The following ZHX2 variants were observed in gnomAD, a reference collection of about 807,000 sequenced individuals.
ZHX2 encodes zinc fingers and homeoboxes 2.
A neutral mutation model predicts 21.9 loss-of-function variants in ZHX2; 6 were observed. The observed-to-expected ratio is 0.27, with a 90% CI of 0.15 to 0.54. ZHX2 has a LOEUF of 0.54. Ranked by LOEUF, ZHX2 falls within the 20% of genes least tolerant of loss-of-function variation. The pLI is 0.95. For synonymous variants in ZHX2, 434 were observed against 437.1 expected (o/e 0.99, Z 0.09); for missense variants, 908 against 1,090.7 (o/e 0.83, Z 2.36).
At position 122,870,017 on chromosome 8, in the gene ZHX2, A is replaced by C. The variant is rs113330986; in HGVS notation, c.-220+6478A>C. On this transcript the variant is annotated intron_variant, in intron 2 of 3. Transcript: ENST00000314393. The stretch of plus-strand genomic sequence containing the variant: ...ACCTCAGCAAGATGGTAAGTTTCCT[A>C]CCCACAGATTCAAAGTCTTTCATTC... 1.2e-4 allele frequency among the ~76,000 whole-genome samples: 18 copies of C among 152,318 alleles called. 1 individual carries two copies. Among genetic ancestry groups the C allele is most frequent in the African/African-American group, 4.3e-4 (18 of 41,558 alleles).
At chr8:122,972,206 C>T (rs1258288329) in intron 3 of ZHX2, among the ~76,000 whole-genome samples, 3 of 152,170 alleles carry the variant, frequency 2.0e-5, no homozygotes, top group Admixed American at 2.0e-4. Flanking sequence ...CTGATGGCCT[C>T]ATTCTCACTT....
chr8:122,850,249 G>A (rs370627963), intron 1 of ZHX2, among the ~76,000 whole-genome samples: 2 of 152,072 alleles, frequency 1.3e-5, no homozygotes, highest in African/African-American at 4.8e-5. Context: ...GTTTTGATGG[G>A]TGTGAGTGAC....
At chr8:122,939,289 T>C (rs1812782970) in intron 2 of ZHX2, among the ~76,000 whole-genome samples, 1 of 152,188 alleles carries the variant, frequency 6.6e-6, no homozygotes, top group Non-Finnish European at 1.5e-5. Context: ...GAACCAGACC[T>C]CGAAGGCACG....
At chr8:122,817,329 C>A (rs1310352886) in intron 1 of ZHX2, among the ~76,000 whole-genome samples, 1 of 152,198 alleles carries the variant, frequency 6.6e-6, no homozygotes, top group African/African-American at 2.4e-5. Flanking sequence ...TCCTGCCCCA[C>A]CTGCCCACTC....
chr8:122,958,200 G>GGACA (rs1203931451), intron 3 of ZHX2, among the ~76,000 whole-genome samples: 7 of 152,182 alleles, frequency 4.6e-5, no homozygotes, highest in Admixed American at 3.9e-4. Context: ...GCAAAGCTTA[G>GGACA]GACAGCATTT....
intron 2 of ZHX2, among the ~76,000 whole-genome samples, chr8:122,866,860 T>C (rs1397887806): frequency 1.3e-5 from 2 of 152,226 alleles, no homozygotes; most frequent in African/African-American, 4.8e-5. Flanking sequence ...AGTCTCGCTC[T>C]GCCACCCAGG....
chr8:122,812,133 GAGCATTCCA>G (rs1817943789), intron 1 of ZHX2: 2 of 152,270 alleles, frequency 1.3e-5, no homozygotes, highest in Admixed American at 1.3e-4. Flanking sequence ...TCTGGGGAAA[GAGCATTCCA>G]GGCAGAGCGA....
intron 1 of ZHX2, among the ~76,000 whole-genome samples, chr8:122,820,406 C>T (rs1457050499): frequency 6.6e-6 from 1 of 152,160 alleles, no homozygotes; most frequent in Non-Finnish European, 1.5e-5. Context: ...TGGCAGGCGG[C>T]CTGGAAAAAA....
intron 1 of ZHX2, among the ~76,000 whole-genome samples, chr8:122,850,111 TTTC>T (rs1225104167): frequency 6.6e-6 from 1 of 152,150 alleles, no homozygotes; most frequent in African/African-American, 2.4e-5. Context: ...ATTATCCACA[TTTC>T]TTCTTTTTCT....
At chr8:122,885,501 G>A (rs1361543385) in intron 2 of ZHX2, among the ~76,000 whole-genome samples, 1 of 152,118 alleles carries the variant, frequency 6.6e-6, no homozygotes, top group African/African-American at 2.4e-5. Context: ...TTTTTGGGTG[G>A]CATGGAAAGT....
intron 2 of ZHX2, among the ~76,000 whole-genome samples, chr8:122,950,835 T>C (rs1813092245): frequency 6.6e-6 from 1 of 152,024 alleles, no homozygotes; most frequent in Non-Finnish European, 1.5e-5. Context: ...ATTTTCTGGA[T>C]TTTCTATCAT....
intron 1 of ZHX2, among the ~76,000 whole-genome samples, chr8:122,844,404 A>G (rs1563751338): frequency 2.0e-5 from 3 of 152,252 alleles, no homozygotes; most frequent in Non-Finnish European, 4.4e-5. Context: ...TGAGCTTCGC[A>G]TTGCGAATCT....
At chr8:122,906,490 A>G (rs1370729384) in intron 2 of ZHX2, among the ~76,000 whole-genome samples, 1 of 152,196 alleles carries the variant, frequency 6.6e-6, no homozygotes, top group Non-Finnish European at 1.5e-5. Context: ...GCAAGTCATG[A>G]ATAATGCATC....
chr8:122,875,596 T>G (rs1586350852), intron 2 of ZHX2, among the ~76,000 whole-genome samples: 1 of 141,312 alleles, frequency 7.1e-6, no homozygotes. Flanking sequence ...CAACAGCAGG[T>G]GCGGTAGTAG....
At chr8:122,858,199 G>A (rs1351375091) in intron 1 of ZHX2, among the ~76,000 whole-genome samples, 5 of 152,192 alleles carry the variant, frequency 3.3e-5, no homozygotes, top group Non-Finnish European at 7.3e-5. Context: ...TCTCTCGTGT[G>A]CTCCCTGGCT....
Position 122,923,964 on chromosome 8 carries a change from C to T in ZHX2, c.-219-27328C>T, listed in dbSNP as rs188571359. Among the ~76,000 whole-genome samples the T allele has an allele frequency of 3.3e-5, 5 of 152,308 alleles. No homozygotes were observed. The East Asian group carries it at 9.6e-4, about 29-fold the overall frequency. On this transcript the variant is annotated intron_variant, in intron 2 of 3. Coordinates refer to ENST00000314393, the MANE Select transcript of ZHX2 (RefSeq NM_014943.5). The stretch of plus-strand genomic sequence containing the variant: ...GGCATTTCCATCCCAAGTCATTGTG[C>T]TCTGTCCTGATGAAAGATGGGTCCA...
At chr8:122,890,376 T>C (rs1304839835) in intron 2 of ZHX2, among the ~76,000 whole-genome samples, 1 of 152,230 alleles carries the variant, frequency 6.6e-6, no homozygotes, top group Non-Finnish European at 1.5e-5. Flanking sequence ...TGGCATATTT[T>C]GAAGTCAAGT....
intron 1 of ZHX2, among the ~76,000 whole-genome samples, chr8:122,833,869 C>T (rs968769610): frequency 1.3e-5 from 2 of 151,972 alleles, no homozygotes; most frequent in African/African-American, 2.4e-5. Context: ...TGGTGGTGGG[C>T]GCCTGTAGTC....
intron 3 of ZHX2, among the ~76,000 whole-genome samples, chr8:122,963,604 G>A (rs1409733482): frequency 6.6e-6 from 1 of 151,898 alleles, no homozygotes; most frequent in Non-Finnish European, 1.5e-5. Flanking sequence ...TTGGCTATAC[G>A]GGCTCTTTTT....
Sources: gnomAD v4.1 joint callset for allele counts (sites outside exome capture counted in the v4.1 genomes callset) on GRCh38, gnomAD v4.1.1 for gene constraint, MANE v1.5 for transcripts, NCBI Gene and HGNC (gene_info 2026-07-23, HGNC 2026-07-21) for gene names.